YEATS2: variants seen among roughly 807,000 people sequenced by gnomAD.
The protein encoded by YEATS2 is YEATS domain-containing protein 2.
Under a neutral mutation model 163.2 loss-of-function variants are expected in YEATS2, and 77 were observed. The observed-to-expected ratio is 0.47, with a 90% CI of 0.39 to 0.57. The LOEUF is 0.57. Among genes scored for constraint, YEATS2 ranks in the 20% least tolerant of loss-of-function variants. The pLI, the probability that YEATS2 is intolerant of heterozygous loss-of-function variation, is 0.00. For missense variants in YEATS2, 1,549 were observed against 1,729.8 expected, an observed-to-expected ratio of 0.90 and a Z score of 1.85; for synonymous variants, 631 against 645.1, an observed-to-expected ratio of 0.98 and a Z score of 0.33.
chr3:183,793,610 T>C, intron 21 of YEATS2: 1 of 54,148 alleles, frequency 1.8e-5, no homozygotes, highest in Non-Finnish European at 2.7e-5. Flanking sequence ...TCTTTCTTTC[T>C]TTTTTTTTTT....
chr3:183,745,177 T>G (rs1413005795), intron 8 of YEATS2, among the ~76,000 whole-genome samples: 1 of 152,190 alleles, frequency 6.6e-6, no homozygotes, highest in African/African-American at 2.4e-5. Flanking sequence ...AGGCTGCTAT[T>G]TTGCTGTCTC....
chr3:183,790,878 C>T lies in YEATS2; in HGVS notation c.2995C>T (p.Gln999Ter). The change falls in exon 21 of 31, where the codon CAG becomes TAG. Residue 999 changes from glutamine (Q) to a stop codon, truncating the protein, a stop_gained. Coordinates refer to ENST00000305135, the MANE Select transcript of YEATS2 (RefSeq NM_018023.5). LOFTEE classifies it high-confidence loss of function. Reference sequence around the variant, plus strand: ...TGGGCAGCAGCAAGTGTGTGTGAGCCAGGCCACCGTGGGAACCTGCAAGGC... The same window carrying T: ...TGGGCAGCAGCAAGTGTGTGTGAGCTAGGCCACCGTGGGAACCTGCAAGGC... ...TSGQQQVCVSQATVGTCKAAT... is the reference protein window; with the variant it reads ...TSGQQQVCVS 6.2e-7 allele frequency: 1 copy of T among 1,614,168 alleles called. No homozygotes were observed. The highest frequency in any genetic ancestry group is 1.7e-5 in the Admixed American group (1 of 60,026).
chr3:183,759,158 C>T (rs1252199095), intron 13 of YEATS2, among the ~76,000 whole-genome samples, 193 bp downstream of exon 13: 1 of 152,306 alleles, frequency 6.6e-6, no homozygotes, highest in African/African-American at 2.4e-5. Flanking sequence ...GCCACTTTGC[C>T]GGTTTCTGAA....
At chr3:183,761,703 C>G in intron 14 of YEATS2, 89 bp downstream of exon 14, 2 of 1,217,774 alleles carry the variant, frequency 1.6e-6, no homozygotes, top group South Asian at 2.5e-5. Context: ...CAACATGTTA[C>G]TTTTTAGTGG....
chr3:183,724,837 G>A (rs1013017254), intron 6 of YEATS2, among the ~76,000 whole-genome samples: 3 of 152,050 alleles, frequency 2.0e-5, no homozygotes, highest in Non-Finnish European at 2.9e-5. Context: ...CCCCCCGCCC[G>A]GGTTCAAGCG....
At chr3:183,721,361 C>G (rs768554008) in intron 4 of YEATS2, among the ~76,000 whole-genome samples, 9 of 152,148 alleles carry the variant, frequency 5.9e-5, no homozygotes, top group Admixed American at 1.3e-4. Context: ...ACAGAATACA[C>G]TGTATTTTGT....
rs57050296 is a variant in YEATS2 at position 183,755,741 on chromosome 3, C to CTTTTTTT, written c.1391-764_1391-758dup. On this transcript the variant is annotated intron_variant, in intron 11 of 30. Coordinates refer to ENST00000305135, the MANE Select transcript of YEATS2 (RefSeq NM_018023.5). The stretch of plus-strand genomic sequence containing the variant: ...ACTTACTGATTTTCTTCCTTCCTTT[C>CTTTTTTT]TTTTTTTTTTTTTTTTTTTTTTTTT... 7.8e-3 allele frequency among the ~76,000 whole-genome samples: 643 copies of CTTTTTTT among 82,074 alleles called. 59 individuals are homozygous for CTTTTTTT. Among genetic ancestry groups the CTTTTTTT allele is most frequent in the East Asian group, 0.017 (51 of 2,998 alleles). The allele number at this position is 82,074 out of a possible 152,430, so 53.8% of individuals were successfully genotyped here. A position where few individuals can be genotyped will look rare whatever the true frequency, so the allele number is the denominator to read the frequency against.
At chr3:183,796,184 GAC>G (rs1293012511) in intron 21 of YEATS2, among the ~76,000 whole-genome samples, 2 of 132,512 alleles carry the variant, frequency 1.5e-5, no homozygotes, top group Non-Finnish European at 3.1e-5. Context: ...TTTTAGTAGA[GAC>G]AGGGTTTCAC....
intron 1 of YEATS2, among the ~76,000 whole-genome samples, chr3:183,699,784 T>C (rs921945377): frequency 1.3e-5 from 2 of 152,168 alleles, no homozygotes; most frequent in Non-Finnish European, 2.9e-5. Context: ...GAGGTGTTTC[T>C]GGAAGATGTT....
chr3:183,802,022 G>C (rs899471443), intron 25 of YEATS2: 3 of 155,842 alleles, frequency 1.9e-5, no homozygotes, highest in African/African-American at 7.2e-5. Context: ...TACAAACCTG[G>C]TTCTGTTTGA....
At chr3:183,698,779 A>G (rs938859407) in intron 1 of YEATS2, among the ~76,000 whole-genome samples, 1 of 152,130 alleles carries the variant, frequency 6.6e-6, no homozygotes, top group African/African-American at 2.4e-5. Flanking sequence ...ATGCGGTATA[A>G]TATTATATAG....
chr3:183,796,139 T>G (rs549568003), intron 21 of YEATS2, among the ~76,000 whole-genome samples: 6 of 149,016 alleles, frequency 4.0e-5, no homozygotes, highest in Non-Finnish European at 8.9e-5. Context: ...CCTGCCACCA[T>G]GCCCGGCTAT....
intron 19 of YEATS2, among the ~76,000 whole-genome samples, 172 bp from the exon 20 acceptor site, chr3:183,785,953 A>C (rs1321100806): frequency 6.6e-6 from 1 of 152,254 alleles, no homozygotes; most frequent in Non-Finnish European, 1.5e-5. Flanking sequence ...GTGAAAGGTC[A>C]TAAAATTTGG....
In YEATS2 at chr3:183,697,825, G is replaced by GGAACGCGCCGGGCGGGCTC. The variant is rs1292218730; in HGVS notation, c.-187_-169dup. 11 of 150,132 alleles carry GGAACGCGCCGGGCGGGCTC rather than the reference G, an allele frequency of 7.3e-5. No homozygotes were observed. Among genetic ancestry groups the GGAACGCGCCGGGCGGGCTC allele is most frequent in the Admixed American group, 1.3e-4 (2 of 15,066 alleles). 9.3% of individuals were successfully genotyped at this position (150,132 alleles called of 1,614,324 possible). On this transcript the variant is annotated 5_prime_UTR_variant, in exon 1 of 31. Transcript: ENST00000305135. ...GCGCCCAGCTGCTGACGTGCGGGGC[G>GGAACGCGCCGGGCGGGCTC]GAACGCGCCGGGCGGGCTCCACCGC...
At chr3:183,702,644 C>T (rs1272739234) in intron 1 of YEATS2, among the ~76,000 whole-genome samples, 2 of 152,026 alleles carry the variant, frequency 1.3e-5, no homozygotes, top group Non-Finnish European at 2.9e-5. Context: ...CGAGACCAGA[C>T]TGACCAATAT....
chr3:183,756,822 G>A, intron 12 of YEATS2, 133 bp downstream of exon 12: 1 of 828,222 alleles, frequency 1.2e-6, no homozygotes, highest in Non-Finnish European at 1.7e-6. Context: ...ATAAGTAAAA[G>A]GAAAGCCAAT....
chr3:183,769,359 G>A (rs1000462427), intron 15 of YEATS2, among the ~76,000 whole-genome samples: 1 of 152,196 alleles, frequency 6.6e-6, no homozygotes, highest in African/African-American at 2.4e-5. Flanking sequence ...AGCCACAAAT[G>A]TCTGTCCTTT....
intron 1 of YEATS2, among the ~76,000 whole-genome samples, chr3:183,710,361 C>T (rs573544748): frequency 5.0e-4 from 76 of 152,288 alleles, no homozygotes; most frequent in African/African-American, 1.8e-3. Context: ...GAGAGCATGC[C>T]TCAGCAGATG....
At chr3:183,729,226 C>T (rs113788189) in intron 7 of YEATS2, among the ~76,000 whole-genome samples, 36,767 of 151,114 alleles carry the variant, frequency 0.24, 5,538 homozygotes, top group East Asian at 0.43. Context: ...GAGCTGAGAT[C>T]GCGCCACTGC....
Sources: gnomAD v4.1 joint callset for allele counts (sites outside exome capture counted in the v4.1 genomes callset) on GRCh38, gnomAD v4.1.1 for gene constraint, MANE v1.5 for transcripts, NCBI Gene and HGNC (gene_info 2026-07-23, HGNC 2026-07-21) for gene names.